The following SLC25A28 variants were observed in gnomAD, a reference collection of about 807,000 sequenced individuals.
SLC25A28 encodes solute carrier family 25 member 28, also known as mitoferrin-2.
In SLC25A28, 10 loss-of-function variants were observed where a neutral mutation model predicts 31.9. The ratio of observed to expected loss-of-function variants is 0.31; its 90% CI spans 0.19 to 0.53. The LOEUF (loss-of-function observed/expected upper bound fraction) is 0.53. Among genes scored for constraint, SLC25A28 ranks in the 20% least tolerant of loss-of-function variants. The pLI, the probability that SLC25A28 is intolerant of heterozygous loss-of-function variation, is 0.95. For synonymous variants in SLC25A28, 208 were observed against 203.6 expected (o/e 1.02, Z -0.19); for missense variants, 256 against 490.3 (o/e 0.52, Z 4.51).
rs1293654382 is a variant in SLC25A28 at position 99,610,844 on chromosome 10, CTACTT to C, written c.1095_*4del. On this transcript the variant is annotated stop_lost and 3_prime_UTR_variant, in exon 4 of 4. Transcript: ENST00000370495. ...TCTGAACCCCTGGCTTCGTTCAGTG[CTACTT>C]CACTTGCCAGCCCTCCACTCTTCTT... is the stretch of plus-strand genomic sequence containing the variant. 32 of 1,611,910 alleles carry C rather than the reference CTACTT, an allele frequency of 2.0e-5. No individual in the cohort carries two copies. Among genetic ancestry groups the C allele is most frequent in the Non-Finnish European group, 2.6e-5 (31 of 1,178,572 alleles).
chr10:99,633,670 A>AG, the SLC25A28 span, among the ~76,000 whole-genome samples: 1 of 50,488 alleles, frequency 2.0e-5, no homozygotes, highest in Non-Finnish European at 4.1e-5. Flanking sequence ...CTCTGTCTTA[A>AG]GAAAAAAAAA....
At chr10:99,622,519 G>T (rs548537005), upstream of SLC25A28, among the ~76,000 whole-genome samples, 1 of 152,232 alleles carries the variant, frequency 6.6e-6, no homozygotes, top group Non-Finnish European at 1.5e-5. Context: ...CTCTCCTTAA[G>T]CTCTTTACAT....
chr10:99,620,777 T>G (rs1393674248), upstream of SLC25A28: 1 of 985,304 alleles, frequency 1.0e-6, no homozygotes, highest in Non-Finnish European at 1.2e-6. Flanking sequence ...CCGCACCACG[T>G]CGGTCCCCGA....
At chr10:99,623,259 G>A (rs1295749546), upstream of SLC25A28, among the ~76,000 whole-genome samples, 5 of 152,112 alleles carry the variant, frequency 3.3e-5, no homozygotes, top group Non-Finnish European at 2.9e-5. Flanking sequence ...GAGTGAGTGG[G>A]GAGGGAATAC....
In SLC25A28 at chr10:99,613,941, G is replaced by A. The variant is rs1308726065; in HGVS notation, c.292-17C>T. 3 of 1,581,210 alleles carry A rather than the reference G, an allele frequency of 1.9e-6. No individual in the cohort carries two copies. The highest frequency in any genetic ancestry group is 2.3e-5 in the South Asian group (2 of 86,964). The stretch of plus-strand genomic sequence containing the variant: ...CATCCGGGTCTGAAATTACAGCAAG[G>A]AGAAGCGCAATGTCAGCAATGCCAA... On this transcript the variant is annotated splice_polypyrimidine_tract_variant and intron_variant, in intron 1 of 3. Transcript: ENST00000370495. The surrounding 1 kb of genome is among the most constrained non-coding windows in gnomAD (Gnocchi z 4.9).
the SLC25A28 span, among the ~76,000 whole-genome samples, chr10:99,649,711 T>G: frequency 6.6e-6 from 1 of 152,210 alleles, no homozygotes; most frequent in African/African-American, 2.4e-5. Context: ...TTCCAGAAAT[T>G]TACCCACTTC....
At chr10:99,623,762 C>G (rs2034832977), upstream of SLC25A28, among the ~76,000 whole-genome samples, 1 of 152,208 alleles carries the variant, frequency 6.6e-6, no homozygotes, top group Non-Finnish European at 1.5e-5. Flanking sequence ...AGTGATTGTT[C>G]AAATGGTGGA....
chr10:99,634,821 C>T, the SLC25A28 span, among the ~76,000 whole-genome samples: 11 of 152,168 alleles, frequency 7.2e-5, no homozygotes, highest in Non-Finnish European at 1.6e-4. Flanking sequence ...ACAAAAGGAT[C>T]CTTGCCTAGG....
chr10:99,655,325 G>A, the SLC25A28 span, among the ~76,000 whole-genome samples: 3 of 151,938 alleles, frequency 2.0e-5, no homozygotes, highest in African/African-American at 7.3e-5. Flanking sequence ...CAAAAAAAAA[G>A]GTAGTTTCTT....
chr10:99,649,839 C>A, the SLC25A28 span, among the ~76,000 whole-genome samples: 7 of 152,116 alleles, frequency 4.6e-5, no homozygotes, highest in East Asian at 9.7e-4. Flanking sequence ...TTATTGGGAT[C>A]CCTTCTTTCT....
chr10:99,627,510 G>A, the SLC25A28 span, among the ~76,000 whole-genome samples: 1 of 149,900 alleles, frequency 6.7e-6, no homozygotes. Context: ...GCGTGATCAT[G>A]GCTCACTGCA....
chr10:99,615,941 T>G, intron 1 of SLC25A28: 1 of 985,382 alleles, frequency 1.0e-6, no homozygotes, highest in East Asian at 1.1e-4. Flanking sequence ...AAAACCGGAC[T>G]GTGGGAAGCT....
intron 1 of SLC25A28, chr10:99,616,384 A>T (rs1407024150): frequency 2.3e-6 from 2 of 858,632 alleles, no homozygotes; most frequent in African/African-American, 3.7e-5. Flanking sequence ...AAAAGAGATA[A>T]GATATGTAAA....
chr10:99,615,323 G>A (rs955603821), intron 1 of SLC25A28: 11 of 856,620 alleles, frequency 1.3e-5, no homozygotes, highest in African/African-American at 5.9e-5. Context: ...GCCACTGCAC[G>A]GCAGCCTGGG....
chr10:99,637,779 T>C, the SLC25A28 span, among the ~76,000 whole-genome samples: 412 of 152,262 alleles, frequency 2.7e-3, 1 homozygote, highest in East Asian at 9.3e-3. Flanking sequence ...TACAAAACAC[T>C]GCTGAAATAA....
chr10:99,634,083 T>C, the SLC25A28 span, among the ~76,000 whole-genome samples: 1 of 152,132 alleles, frequency 6.6e-6, no homozygotes, highest in Non-Finnish European at 1.5e-5. Flanking sequence ...GAAAGCCAGA[T>C]CCATAGGAAA....
rs1427919424 is a variant in SLC25A28, at chr10:99,611,909, A to G, written c.578-543T>C. On this transcript the variant is annotated intron_variant, in intron 3 of 3. Transcript: ENST00000370495. The surrounding 1 kb of genome is among the most constrained non-coding windows in gnomAD (Gnocchi z 5.5). ...AAACACCTCCCACTCCCTCAAGTAG[A>G]TAACATGGTGTGAGCTCTGTGGAGC... 6.6e-6 allele frequency among the ~76,000 whole-genome samples: 1 copy of G among 152,272 alleles called. No homozygotes were observed. Among genetic ancestry groups the G allele is most frequent in the Non-Finnish European group, 1.5e-5 (1 of 68,050 alleles).
At chr10:99,617,261 G>A (rs2034679916) in intron 1 of SLC25A28, 7 of 985,434 alleles carry the variant, frequency 7.1e-6, no homozygotes, top group Non-Finnish European at 8.4e-6. Flanking sequence ...GGGCTCCCAA[G>A]CCTCTCCATT....
At chr10:99,620,822 T>C, upstream of SLC25A28, 3 of 985,476 alleles carry the variant, frequency 3.0e-6, no homozygotes, top group Non-Finnish European at 3.6e-6. Context: ...CCAGGGACTC[T>C]AGGGGCCGAC....
Sources: gnomAD v4.1 joint callset for allele counts (sites outside exome capture counted in the v4.1 genomes callset) on GRCh38, gnomAD v4.1.1 for gene constraint, Gnocchi (gnomAD v3.1) non-coding constraint, MANE v1.5 for transcripts, NCBI Gene and HGNC (gene_info 2026-07-23, HGNC 2026-07-21) for gene names.